Variants in CYB5R2 observed in about 807,000 individuals in gnomAD.
CYB5R2 encodes NADH-cytochrome b5 reductase 2.
In CYB5R2, 35 loss-of-function variants were observed where a neutral mutation model predicts 29.8. The observed-to-expected ratio is 1.17, with a 90% CI of 0.90 to 1.56. The LOEUF (loss-of-function observed/expected upper bound fraction) is 1.56. CYB5R2 is among the 40% of genes most tolerant of loss of function. The pLI is 0.00. For missense variants in CYB5R2, 419 were observed against 346.7 expected (o/e 1.21, Z -1.66); for synonymous variants, 169 against 130.6 (o/e 1.29, Z -2.01).
chr11:7,665,260 G>GCGAAGGTACATGGCAAGGCA lies in CYB5R2; in HGVS notation c.*94_*113dup, dbSNP rs1855035772. 3.3e-6 allele frequency: 3 copies of GCGAAGGTACATGGCAAGGCA among 911,866 alleles called. No individual in the cohort carries two copies. The highest frequency in any genetic ancestry group is 4.9e-6 in the Non-Finnish European group (3 of 614,458). 56.5% of individuals were successfully genotyped at this position (911,866 alleles called of 1,614,324 possible). ...CCAAAAGAGGAGAACCAGTGTGTGCGCGAAGGTACATGGCAAGGCACTTTT... is the reference window on the plus strand; with the variant it reads ...CCAAAAGAGGAGAACCAGTGTGTGCGCGAAGGTACATGGCAAGGCACGAAGGTACATGGCAAGGCACTTTT... On this transcript the variant is annotated 3_prime_UTR_variant, in exon 9 of 9. Transcript: ENST00000299498.
chr11:7,669,106 A>AC, intron 5 of CYB5R2, 99 bp downstream of exon 5: 1 of 1,441,830 alleles, frequency 6.9e-7, no homozygotes, highest in Non-Finnish European at 9.8e-7. Flanking sequence ...ACTAAGGACA[A>AC]CCCCATGTGA....
chr11:7,669,386 C>G (rs1855578903), intron 4 of CYB5R2, 52 bp from the exon 5 acceptor site: 1 of 1,563,626 alleles, frequency 6.4e-7, no homozygotes, highest in Admixed American at 1.9e-5. Flanking sequence ...ATGCCACAGC[C>G]ACGTACAACT....
At chr11:7,666,297 T>A (rs1855207311) in intron 8 of CYB5R2, 154 bp downstream of exon 8, 4 of 614,316 alleles carry the variant, frequency 6.5e-6, no homozygotes, top group Non-Finnish European at 8.8e-6. Flanking sequence ...TCTCCCTCAA[T>A]TTCTCACATT....
At chr11:7,667,360 A>G (rs893159459) in intron 7 of CYB5R2, 1 of 153,988 alleles carries the variant, frequency 6.5e-6, no homozygotes, top group African/African-American at 2.4e-5. Flanking sequence ...TATAAATTAC[A>G]AATATATAAC....
intron 8 of CYB5R2, 71 bp downstream of exon 8, chr11:7,666,380 C>T (rs958963186): frequency 6.1e-6 from 6 of 976,422 alleles, no homozygotes; most frequent in African/African-American, 4.9e-5. Flanking sequence ...AACAAAGAGA[C>T]AGAGACCAGT....
chr11:7,673,858 G>A, upstream of CYB5R2: 1 of 989,998 alleles, frequency 1.0e-6, no homozygotes, highest in Non-Finnish European at 1.2e-6. Context: ...ACGCACGCCC[G>A]GGAGGACAAA....
chr11:7,668,407 A>G (rs1855486866), intron 6 of CYB5R2, 71 bp downstream of exon 6: 1 of 1,195,586 alleles, frequency 8.4e-7, no homozygotes, highest in Non-Finnish European at 1.3e-6. Flanking sequence ...CCCTTAGAGG[A>G]TCAAATGACT....
chr11:7,665,812 CACA>C lies in CYB5R2; in HGVS notation c.659-269_659-267del. On this transcript the variant is annotated intron_variant, in intron 8 of 8. Transcript: ENST00000299498. ...TGTCAGCATTGACGAGGAAGGAGAA[CACA>C]ACGAGGTATACCGAGGTGTGTGAAT... 8 of 1,520,950 alleles carry C rather than the reference CACA, an allele frequency of 5.3e-6. No homozygotes were observed. The South Asian group carries it at 8.5e-5, about 16-fold the overall frequency. The allele number at this position is 1,520,950 out of a possible 1,614,324, so 94.2% of individuals were successfully genotyped here.
rs753344409 is a variant in CYB5R2 at position 7,672,541 on chromosome 11, A to T, written c.79-18T>A. 1 of 1,613,348 alleles carries T rather than the reference A, an allele frequency of 6.2e-7. No individual in the cohort carries two copies. The highest frequency in any genetic ancestry group is 1.7e-5 in the Admixed American group (1 of 59,990). On this transcript the variant is annotated intron_variant, in intron 2 of 8. Transcript: ENST00000299498. ...CTGATTTTCTGATAAAACAAAACAT[A>T]GGCAGGTTCTGTCAGCTTTCTAGAA... is the stretch of plus-strand genomic sequence containing the variant.
At position 7,666,446 on chromosome 11, in the gene CYB5R2, C is replaced by G; in HGVS notation, c.658+5G>C. ...CATGGTGAGTGAGGGCAATGGATGT[C>G]GTACCAATGGGAGGCCTGTCCAGGG... On this transcript the variant is annotated splice_donor_5th_base_variant and intron_variant, in intron 8 of 8. Coordinates refer to ENST00000299498, the MANE Select transcript of CYB5R2 (RefSeq NM_016229.5). 1 of 1,595,104 alleles carries G rather than the reference C, an allele frequency of 6.3e-7. No homozygotes were observed. The highest frequency in any genetic ancestry group is 8.6e-7 in the Non-Finnish European group (1 of 1,163,424).
At chr11:7,671,548 C>T (rs778365877) in intron 3 of CYB5R2, 1 of 152,254 alleles carries the variant, frequency 6.6e-6, no homozygotes, top group Non-Finnish European at 1.5e-5. Context: ...TGAGAGACGG[C>T]ACGCACAACA....
At chr11:7,667,372 T>C (rs1855358298) in intron 7 of CYB5R2, 1 of 154,686 alleles carries the variant, frequency 6.5e-6, no homozygotes, top group African/African-American at 2.4e-5. Context: ...ATATATAACA[T>C]ATATAGAAAA....
intron 3 of CYB5R2, chr11:7,671,584 G>A (rs1184996577): frequency 6.6e-6 from 1 of 152,348 alleles, no homozygotes; most frequent in African/African-American, 2.4e-5. Context: ...TAGAGATGGA[G>A]TGAGGGAACA....
At chr11:7,666,034 A>AGCTGTCTGGGCTGCT (rs1855161941) in intron 8 of CYB5R2, 2 of 873,498 alleles carry the variant, frequency 2.3e-6, no homozygotes, top group East Asian at 5.3e-5. Flanking sequence ...TCTGGGCTGC[A>AGCTGTCTGGGCTGCT]GCAGCTGTCT....
intron 8 of CYB5R2, chr11:7,665,949 A>G: frequency 6.5e-7 from 1 of 1,532,378 alleles, no homozygotes; most frequent in African/African-American, 1.4e-5. Flanking sequence ...CCTGTATGAC[A>G]AGCAGGTACA....
intron 3 of CYB5R2, chr11:7,670,148 C>A (rs1220273437): frequency 5.5e-6 from 1 of 181,310 alleles, no homozygotes; most frequent in Non-Finnish European, 1.2e-5. Flanking sequence ...CTCAGGAGTT[C>A]GAGACCAGCC....
chr11:7,668,905 G>T, intron 5 of CYB5R2: 1 of 589,222 alleles, frequency 1.7e-6, no homozygotes, highest in Non-Finnish European at 3.1e-6. Flanking sequence ...AAGGAGCATG[G>T]ACTCCCTCCA....
chr11:7,667,839 G>A, intron 6 of CYB5R2, 26 bp from the exon 7 acceptor site: 5 of 1,597,350 alleles, frequency 3.1e-6, no homozygotes, highest in Non-Finnish European at 3.4e-6. Context: ...CGAGCAGCCA[G>A]CTTTCTCCCT....
chr11:7,667,623 C>T, intron 7 of CYB5R2, 105 bp downstream of exon 7: 2 of 1,092,698 alleles, frequency 1.8e-6, no homozygotes, highest in African/African-American at 1.5e-5. Context: ...CCCACAGATG[C>T]AGGCACCCAA....
Sources: gnomAD v4.1 joint callset for allele counts on GRCh38, gnomAD v4.1.1 for gene constraint, MANE v1.5 for transcripts, NCBI Gene and HGNC (gene_info 2026-07-23, HGNC 2026-07-21) for gene names.